Variants in DMD observed in about 807,000 individuals in gnomAD.
The protein encoded by DMD is mutant dystrophin.
In DMD, 63 loss-of-function variants were observed where a neutral mutation model predicts 330.1. That is an observed-to-expected ratio of 0.19 (90% CI 0.16 to 0.24). DMD has a LOEUF of 0.24. Among genes scored for constraint, DMD ranks in the 10% least tolerant of loss-of-function variants. DMD has a pLI of 1.00. For synonymous variants in DMD, 1,223 were observed against 959.8 expected (o/e 1.27, Z -5.07); for missense variants, 3,344 against 2,684.1 (o/e 1.25, Z -5.43).
Position 32,480,668 on chromosome X carries a change from C to T in DMD, c.2803+4251G>A, listed in dbSNP as rs141464048. Among the ~76,000 whole-genome samples, 668 of 108,351 alleles carry T rather than the reference C, an allele frequency of 6.2e-3. 8 individuals are homozygous for T. Among genetic ancestry groups the T allele is most frequent in the African/African-American group, 0.022 (621 of 28,506 alleles). 94.1% of individuals were successfully genotyped at this position (108,351 alleles called of 115,157 possible). A position where few individuals can be genotyped will look rare whatever the true frequency, so the allele number is the denominator to read the frequency against. ...TGCACACACAACTTGTGTACATATA[C>T]GTATATGTACACACAGCGTGTGTAT... On this transcript the variant is annotated intron_variant, in intron 21 of 78. Coordinates refer to ENST00000357033, the MANE Select transcript of DMD (RefSeq NM_004006.3).
At chrX:33,099,122 A>G (rs1045420319) in intron 1 of DMD, among the ~76,000 whole-genome samples, 4 of 112,139 alleles carry the variant, frequency 3.6e-5, no homozygotes, top group African/African-American at 1.3e-4. Flanking sequence ...ATGTTAGCAC[A>G]GGTCGTTTAA....
chrX:32,727,767 A>G (rs2067058046), intron 7 of DMD, among the ~76,000 whole-genome samples: 1 of 110,634 alleles, frequency 9.0e-6, no homozygotes, highest in Admixed American at 9.7e-5. Flanking sequence ...ACATACACAC[A>G]TATACATATT....
chrX:32,860,033 A>T (rs1016427400), intron 2 of DMD, among the ~76,000 whole-genome samples: 1 of 111,661 alleles, frequency 9.0e-6, no homozygotes, highest in Non-Finnish European at 1.9e-5. Flanking sequence ...GTCTTTGTTA[A>T]CCCAAACCAC....
chrX:33,237,945 A>G (rs936582113), intron 1 of DMD, among the ~76,000 whole-genome samples: 1 of 112,421 alleles, frequency 8.9e-6, no homozygotes, highest in African/African-American at 3.2e-5. Context: ...TAAACTAAAC[A>G]TAATAGTTGC....
intron 1 of DMD, among the ~76,000 whole-genome samples, chrX:33,267,920 T>C (rs2053075128): frequency 9.0e-6 from 1 of 111,385 alleles, no homozygotes; most frequent in South Asian, 3.7e-4. Context: ...ATTAAAGATA[T>C]TAATGTAAGA....
rs184706827 is a variant in DMD at position 31,319,279 on chromosome X, A to C, written c.9224+4319T>G. ...TCAAGGACAGACTAAAAGACTAAAAAGGATTAGAATTTCTCAGACTGGGAA... is the reference window on the plus strand; with the variant it reads ...TCAAGGACAGACTAAAAGACTAAAACGGATTAGAATTTCTCAGACTGGGAA... On this transcript the variant is annotated intron_variant, in intron 62 of 78. Transcript: ENST00000357033. Among the ~76,000 whole-genome samples the C allele has an allele frequency of 2.2e-3, 251 of 112,249 alleles. 1 individual carries two copies. Among genetic ancestry groups the C allele is most frequent in the African/African-American group, 7.4e-3 (229 of 30,962 alleles).
At chrX:31,266,820 G>C (rs144078345) in intron 62 of DMD, 1 of 1,207,228 alleles carries the variant, frequency 8.3e-7, no homozygotes, top group African/African-American at 1.7e-5. Context: ...CCTTTGAGCT[G>C]TTCCCTCATG....
intron 22 of DMD, among the ~76,000 whole-genome samples, chrX:32,468,921 C>T (rs566109987): frequency 3.6e-5 from 4 of 110,654 alleles, no homozygotes; most frequent in African/African-American, 9.8e-5. Flanking sequence ...TTTAACACTC[C>T]ATATGTATTT....
At chrX:31,939,676 A>G (rs778851568) in intron 45 of DMD, among the ~76,000 whole-genome samples, 1 of 111,740 alleles carries the variant, frequency 8.9e-6, no homozygotes, top group East Asian at 2.8e-4. Flanking sequence ...AAAAAATGGT[A>G]GAGAACATAA....
intron 9 of DMD, among the ~76,000 whole-genome samples, chrX:32,689,940 G>T (rs1230927635): frequency 9.0e-6 from 1 of 110,498 alleles, no homozygotes; most frequent in Non-Finnish European, 1.9e-5. Context: ...AAGATCGCAG[G>T]TCATATCACA....
chrX:32,571,313 A>C (rs1041797055), intron 15 of DMD, among the ~76,000 whole-genome samples: 1 of 112,095 alleles, frequency 8.9e-6, no homozygotes, highest in Non-Finnish European at 1.9e-5. Context: ...TAATCCATGC[A>C]TCCATTCCTC....
rs555902674 is a variant in DMD at position 32,455,401 on chromosome X, A to T, written c.3433-569T>A. 3.6e-5 allele frequency among the ~76,000 whole-genome samples: 4 copies of T among 111,630 alleles called. No individual in the cohort carries two copies. The South Asian group carries it at 1.1e-3, about 30-fold the overall frequency. Reference sequence around the variant, plus strand: ...AGTTAAATGATTGCAAATCGAAGTGAATTAATGCATTTTCACATGTTAAGA... The same window carrying T: ...AGTTAAATGATTGCAAATCGAAGTGTATTAATGCATTTTCACATGTTAAGA... On this transcript the variant is annotated intron_variant, in intron 25 of 78. Coordinates refer to ENST00000357033, the MANE Select transcript of DMD (RefSeq NM_004006.3).
intron 52 of DMD, among the ~76,000 whole-genome samples, chrX:31,692,909 G>A (rs765915856): frequency 4.0e-4 from 45 of 111,360 alleles, no homozygotes; most frequent in Non-Finnish European, 7.6e-4. Flanking sequence ...GAAGGGATTC[G>A]TCCAAATTTA....
chrX:32,601,790 G>A (rs1255570242), intron 12 of DMD, among the ~76,000 whole-genome samples: 1 of 111,767 alleles, frequency 8.9e-6, no homozygotes. Flanking sequence ...TAATAAAACT[G>A]CCTATTTCTT....
chrX:33,191,223 C>A (rs2050624763), intron 1 of DMD, among the ~76,000 whole-genome samples: 1 of 105,112 alleles, frequency 9.5e-6, no homozygotes, highest in Non-Finnish European at 1.9e-5. Flanking sequence ...CCCTCTTACA[C>A]CTGCTTTTAG....
intron 11 of DMD, among the ~76,000 whole-genome samples, chrX:32,617,444 C>A (rs991601672): frequency 5.4e-5 from 6 of 111,290 alleles, no homozygotes; most frequent in Admixed American, 4.8e-4. Context: ...ACATGGGTGT[C>A]AAGAACACAC....
intron 44 of DMD, among the ~76,000 whole-genome samples, chrX:31,972,753 T>A (rs1469370464): frequency 3.6e-5 from 4 of 111,887 alleles, no homozygotes; most frequent in Non-Finnish European, 5.7e-5. Flanking sequence ...GGTAAATCAT[T>A]AACCGAGTTT....
At chrX:33,044,050 A>C in intron 1 of DMD, among the ~76,000 whole-genome samples, 1 of 111,780 alleles carries the variant, frequency 8.9e-6, no homozygotes, top group Non-Finnish European at 1.9e-5. Context: ...GCAGGATGGG[A>C]AAACAATCAG....
rs138347607 is a variant in DMD at position 31,157,409 on chromosome X, A to C, written c.10554-9891T>G. 7.2e-3 allele frequency among the ~76,000 whole-genome samples: 814 copies of C among 112,344 alleles called. 7 individuals are homozygous for C. Among genetic ancestry groups the C allele is most frequent in the African/African-American group, 0.025 (767 of 30,918 alleles). On this transcript the variant is annotated intron_variant, in intron 74 of 78. Coordinates refer to ENST00000357033, the MANE Select transcript of DMD (RefSeq NM_004006.3). ...TTATAACTGGAAATAAGACAGACTA[A>C]CAAAACCTAAGACAAAAATGGCAGT...
Sources: gnomAD v4.1 joint callset for allele counts (sites outside exome capture counted in the v4.1 genomes callset) on GRCh38, gnomAD v4.1.1 for gene constraint, MANE v1.5 for transcripts, NCBI Gene and HGNC (gene_info 2026-07-23, HGNC 2026-07-21) for gene names.